Variants in KCNIP3 observed in about 807,000 individuals in gnomAD.
KCNIP3 encodes calsenilin.
Under a neutral mutation model 35.0 loss-of-function variants are expected in KCNIP3, and 28 were observed. The observed-to-expected ratio is 0.80, with a 90% confidence interval of 0.59 to 1.10. The LOEUF is 1.10. Ranked by LOEUF, KCNIP3 falls within the 50% of genes least tolerant of loss-of-function variation. The pLI is 0.00. For missense variants in KCNIP3, 295 were observed against 338.4 expected (o/e 0.87, Z 1.01); for synonymous variants, 134 against 133.8 (o/e 1.00, Z -0.01).
At chr2:95,321,016 C>T (rs563540466) in intron 2 of KCNIP3, among the ~76,000 whole-genome samples, 52 of 140,880 alleles carry the variant, frequency 3.7e-4, no homozygotes, top group Middle Eastern at 3.8e-3. Context: ...CTCCCTGACC[C>T]CCAGCCTCTC....
intron 2 of KCNIP3, among the ~76,000 whole-genome samples, chr2:95,318,721 G>A (rs990547470): frequency 6.6e-6 from 1 of 152,276 alleles, no homozygotes; most frequent in African/African-American, 2.4e-5. Flanking sequence ...GCTGGGAAGG[G>A]TTGATATCAG....
chr2:95,384,222 T>A lies in KCNIP3; in HGVS notation c.*173T>A. On this transcript the variant is annotated 3_prime_UTR_variant, in exon 9 of 9. Coordinates refer to ENST00000295225, the MANE Select transcript of KCNIP3 (RefSeq NM_013434.5). Reference sequence around the variant, plus strand: ...CACACACACAGCCATTCATCTGGGCTGGCAGAGGGGACAGAGTTCAGGGAG... The same window carrying A: ...CACACACACAGCCATTCATCTGGGCAGGCAGAGGGGACAGAGTTCAGGGAG... 3 of 625,426 alleles carry A rather than the reference T, an allele frequency of 4.8e-6. No individual in the cohort carries two copies. In the East Asian group the frequency reaches 8.4e-5, roughly 18 times the overall value. 38.7% of individuals were successfully genotyped at this position (625,426 alleles called of 1,614,324 possible).
At chr2:95,318,056 A>G (rs1277563331) in intron 2 of KCNIP3, among the ~76,000 whole-genome samples, 1 of 146,128 alleles carries the variant, frequency 6.8e-6, no homozygotes, top group Non-Finnish European at 1.5e-5. Context: ...GGTAGGGGTG[A>G]CAGGGGGCAG....
chr2:95,316,277 A>T (rs555958483), intron 2 of KCNIP3, among the ~76,000 whole-genome samples: 2 of 152,340 alleles, frequency 1.3e-5, no homozygotes, highest in South Asian at 4.1e-4. Flanking sequence ...TCTGAGCCGC[A>T]CATTTAACTG....
intron 2 of KCNIP3, among the ~76,000 whole-genome samples, chr2:95,315,722 T>C (rs1450393323): frequency 6.6e-6 from 1 of 152,028 alleles, no homozygotes; most frequent in African/African-American, 2.4e-5. Flanking sequence ...CAGCTCTGTC[T>C]ATAAGTCACC....
intron 2 of KCNIP3, among the ~76,000 whole-genome samples, chr2:95,323,888 C>T (rs910384200): frequency 1.3e-5 from 2 of 152,210 alleles, no homozygotes; most frequent in African/African-American, 2.4e-5. Flanking sequence ...ACCTGTCCTC[C>T]TGTATGGATG....
At chr2:95,312,584 C>T (rs567052890) in intron 2 of KCNIP3, 4 of 152,422 alleles carry the variant, frequency 2.6e-5, no homozygotes, top group East Asian at 3.9e-4. Flanking sequence ...GACCTTGTGC[C>T]GGCACTGGGA....
At chr2:95,367,442 T>A (rs1679943497) in intron 2 of KCNIP3, among the ~76,000 whole-genome samples, 1 of 152,222 alleles carries the variant, frequency 6.6e-6, no homozygotes, top group Non-Finnish European at 1.5e-5. Flanking sequence ...TTGTATGAAA[T>A]CTGTGAATCA....
At chr2:95,305,674 C>A (rs6577012) in intron 1 of KCNIP3, among the ~76,000 whole-genome samples, 117,032 of 152,062 alleles carry the variant, frequency 0.77, 45,549 homozygotes, top group African/African-American at 0.87. Context: ...CCATCCTTAA[C>A]CCCTGGCCCT....
rs1235363276 is a variant in KCNIP3 at position 95,382,271 on chromosome 2, C to A, written c.556-106C>A. The A allele has an allele frequency of 1.6e-6, 1 of 610,082 alleles. No homozygotes were observed. Among genetic ancestry groups the A allele is most frequent in the Non-Finnish European group, 2.8e-6 (1 of 361,500 alleles). The allele number at this position is 610,082 out of a possible 1,614,324, so 37.8% of individuals were successfully genotyped here. ...TCTCCAGCTCGTCCGGCCCCTCGCACTCACTGCCTTGGAGGTGCCCTGCAC... is the reference window on the plus strand; with the variant it reads ...TCTCCAGCTCGTCCGGCCCCTCGCAATCACTGCCTTGGAGGTGCCCTGCAC... On this transcript the variant is annotated intron_variant, in intron 6 of 8. Coordinates refer to ENST00000295225, the MANE Select transcript of KCNIP3 (RefSeq NM_013434.5). The surrounding 1 kb of genome is among the most constrained non-coding windows in gnomAD (Gnocchi z 4.5).
chr2:95,356,194 T>C (rs1679653250), intron 2 of KCNIP3, among the ~76,000 whole-genome samples: 1 of 152,126 alleles, frequency 6.6e-6, no homozygotes, highest in Non-Finnish European at 1.5e-5. Flanking sequence ...GATGGGGTTG[T>C]TTGTTTTTTT....
At chr2:95,354,264 G>A (rs556943476) in intron 2 of KCNIP3, among the ~76,000 whole-genome samples, 9 of 152,348 alleles carry the variant, frequency 5.9e-5, no homozygotes, top group South Asian at 2.1e-4. Context: ...CAGCAGGGGC[G>A]TGTGTCTCTA....
intron 2 of KCNIP3, among the ~76,000 whole-genome samples, chr2:95,337,338 G>A (rs1033710544): frequency 2.0e-5 from 3 of 150,956 alleles, no homozygotes; most frequent in African/African-American, 7.3e-5. Context: ...AGGTCCTAGA[G>A]TTGTTTTCAG....
chr2:95,362,948 T>C (rs1452946410), intron 2 of KCNIP3, among the ~76,000 whole-genome samples: 2 of 152,248 alleles, frequency 1.3e-5, no homozygotes, highest in Admixed American at 6.5e-5. Flanking sequence ...TACGTGTTCC[T>C]GTTTATTACT....
rs1448068363 is a variant in KCNIP3, at chr2:95,377,757, C to T, written c.447+2549C>T. On this transcript the variant is annotated intron_variant, in intron 5 of 8. Transcript: ENST00000295225. The surrounding 1 kb of genome is among the most constrained non-coding windows in gnomAD (Gnocchi z 4.7). Reference sequence around the variant, plus strand: ...CTAGCCAGTGGCCTAACAGGACATTCCCACCATCTCCTAGTACTGTCACTA... The same window carrying T: ...CTAGCCAGTGGCCTAACAGGACATTTCCACCATCTCCTAGTACTGTCACTA... Among the ~76,000 whole-genome samples, 1 of 152,222 alleles carries T rather than the reference C, an allele frequency of 6.6e-6. No homozygotes were observed. The highest frequency in any genetic ancestry group is 2.4e-5 in the African/African-American group (1 of 41,456).
rs1677888464 is a variant in KCNIP3, at chr2:95,297,370, G to T, written c.-69G>T. 14 of 1,514,116 alleles carry T rather than the reference G, an allele frequency of 9.2e-6. No homozygotes were observed. The highest frequency in any genetic ancestry group is 1.3e-5 in the Non-Finnish European group (14 of 1,114,578). The allele number at this position is 1,514,116 out of a possible 1,614,324, so 93.8% of individuals were successfully genotyped here. The stretch of plus-strand genomic sequence containing the variant: ...GCAAACATGAGGCAGCTGCCAGCCG[G>T]CCTGGGCAGTCTTGTCTGCCTCGGC... On this transcript the variant is annotated 5_prime_UTR_variant, in exon 1 of 9. Transcript: ENST00000295225.
At chr2:95,297,603 C>CGTCCTGGCTGGCGCTGGGGT in intron 1 of KCNIP3, 150 bp downstream of exon 1, 1 of 694,436 alleles carries the variant, frequency 1.4e-6, no homozygotes, top group Non-Finnish European at 2.4e-6. Context: ...AGCGTTGGGG[C>CGTCCTGGCTGGCGCTGGGGT]GTCCTGGCTG....
At chr2:95,351,787 CTCA>C in intron 2 of KCNIP3, among the ~76,000 whole-genome samples, 1 of 152,240 alleles carries the variant, frequency 6.6e-6, no homozygotes, top group South Asian at 2.1e-4. Flanking sequence ...CCAGACCAAC[CTCA>C]TCAACATAGC....
intron 1 of KCNIP3, among the ~76,000 whole-genome samples, chr2:95,306,155 A>G (rs1298653144): frequency 1.3e-5 from 2 of 152,048 alleles, no homozygotes; most frequent in Non-Finnish European, 2.9e-5. Flanking sequence ...ACCAGCTTTC[A>G]GTTGTCATTA....
Sources: allele counts gnomAD v4.1 joint callset (sites outside exome capture counted in the v4.1 genomes callset), GRCh38; gene constraint gnomAD v4.1.1; non-coding constraint Gnocchi (gnomAD v3.1); transcripts MANE v1.5; gene names NCBI Gene and HGNC (gene_info 2026-07-23, HGNC 2026-07-21).